The following ZNF431 variants were observed in gnomAD, a reference collection of about 807,000 sequenced individuals.
The protein encoded by ZNF431 is zinc finger protein 431.
ZNF431 carries 34 observed loss-of-function variants against 57.0 expected under a neutral mutation model. The ratio of observed to expected loss-of-function variants is 0.60; its 90% CI spans 0.45 to 0.79. The LOEUF is 0.79. Ranked by LOEUF, ZNF431 falls within the 30% of genes least tolerant of loss-of-function variation. The pLI, the probability that ZNF431 is intolerant of heterozygous loss-of-function variation, is 0.00. For missense variants in ZNF431, 607 were observed against 667.1 expected (o/e 0.91, Z 0.99); for synonymous variants, 207 against 220.3 (o/e 0.94, Z 0.54).
At chr19:21,151,355 T>G (rs1970268009) in intron 2 of ZNF431, among the ~76,000 whole-genome samples, 1 of 152,186 alleles carries the variant, frequency 6.6e-6, no homozygotes, top group Non-Finnish European at 1.5e-5. Context: ...ACCACAGTGA[T>G]CAGTGCTCTT....
chr19:21,142,110 C>A lies in ZNF431; in HGVS notation c.-74C>A. On this transcript the variant is annotated 5_prime_UTR_variant, in exon 1 of 5. Coordinates refer to ENST00000311048, the MANE Select transcript of ZNF431 (RefSeq NM_133473.4). ...GTGTCCTCTGCTCCTAGAGGCCCAA[C>A]ATCTGTGGCCCTGTGACCTGCAGGT... is the stretch of plus-strand genomic sequence containing the variant. 6.3e-7 allele frequency: 1 copy of A among 1,589,880 alleles called. No homozygotes were observed. The highest frequency in any genetic ancestry group is 8.6e-7 in the Non-Finnish European group (1 of 1,159,518).
At chr19:21,150,231 C>T (rs1970232254) in intron 2 of ZNF431, 2 of 526,670 alleles carry the variant, frequency 3.8e-6, no homozygotes, top group Admixed American at 2.4e-5. Flanking sequence ...TTTCAGCCGC[C>T]TATAGAGGAT....
intron 2 of ZNF431, among the ~76,000 whole-genome samples, chr19:21,144,076 C>T (rs1451396541): frequency 2.0e-5 from 3 of 151,804 alleles, no homozygotes; most frequent in Admixed American, 6.6e-5. Flanking sequence ...ATGAGTCAGA[C>T]ACACATTTGT....
rs905003361 is a variant in ZNF431, at chr19:21,191,481, CAAT to C, written c.*7448_*7450del. On this transcript the variant is annotated 3_prime_UTR_variant, in exon 5 of 5. Coordinates refer to ENST00000311048, the MANE Select transcript of ZNF431 (RefSeq NM_133473.4). ...AAAAAAAAAAATTTGCTGCCCAGAA[CAAT>C]GTTATAGGGCTTTTGCTCTATATTT... 7 of 151,800 alleles carry C rather than the reference CAAT, an allele frequency of 4.6e-5. No homozygotes were observed. The highest frequency in any genetic ancestry group is 2.6e-4 in the Admixed American group (4 of 15,224). 9.4% of individuals were successfully genotyped at this position (151,800 alleles called of 1,614,324 possible). A position where few individuals can be genotyped will look rare whatever the true frequency, so the allele number is the denominator to read the frequency against.
Position 21,183,239 on chromosome 19 carries a change from A to T in ZNF431, c.936A>T (p.Gly312=), listed in dbSNP as rs533916577. 6.2e-7 allele frequency: 1 copy of T among 1,614,070 alleles called. No individual in the cohort carries two copies. Among genetic ancestry groups the T allele is most frequent in the Non-Finnish European group, 8.5e-7 (1 of 1,179,962 alleles). Residue 312 remains glycine, a synonymous_variant, in exon 5 of 5, where the codon GGA becomes GGT. Transcript: ENST00000311048. ...CTACACATAAGATAATTCATACTGG[A>T]GAGAAGCCCTACAAATGTGAAGAAT... The part of the protein sequence containing the change: ...HLTTHKIIHT[G]EKPYKCEECG...
rs751837148 is a variant in ZNF431 at position 21,183,002 on chromosome 19, A to G, written c.699A>G (p.Gln233=). Residue 233 remains glutamine (Q), a synonymous_variant, in exon 5 of 5, where the codon CAA becomes CAG. Coordinates refer to ENST00000311048, the MANE Select transcript of ZNF431 (RefSeq NM_133473.4). ...TTCATATTAGAGAGAATTCTTACCA[A>G]TGTGAAGAATGTGGCAAAGCTTTTA... is the stretch of plus-strand genomic sequence containing the variant. ...KRIHIRENSY[Q]CEECGKAFKW... is the part of the protein sequence containing the mutation. 10 of 1,614,132 alleles carry G rather than the reference A, an allele frequency of 6.2e-6. No homozygotes were observed. In the South Asian group the frequency reaches 9.9e-5, roughly 16 times the overall value.
intron 2 of ZNF431, among the ~76,000 whole-genome samples, chr19:21,158,191 G>A (rs1300444607): frequency 1.3e-5 from 2 of 151,816 alleles, no homozygotes; most frequent in Non-Finnish European, 2.9e-5. Context: ...ATTTGTTTGT[G>A]TCATCTCTGA....
chr19:21,153,853 A>T (rs1162576504), intron 2 of ZNF431, among the ~76,000 whole-genome samples: 4 of 151,998 alleles, frequency 2.6e-5, no homozygotes, highest in Non-Finnish European at 4.4e-5. Context: ...AGTAGCTGGG[A>T]TTACAGGCGC....
intron 2 of ZNF431, among the ~76,000 whole-genome samples, chr19:21,147,889 C>T (rs1230866382): frequency 2.0e-5 from 3 of 152,122 alleles, no homozygotes; most frequent in Non-Finnish European, 4.4e-5. Flanking sequence ...AACATGATTT[C>T]ACAGTTGACA....
chr19:21,161,694 C>T (rs1008535275), intron 2 of ZNF431, among the ~76,000 whole-genome samples: 4 of 152,184 alleles, frequency 2.6e-5, no homozygotes, highest in East Asian at 1.9e-4. Flanking sequence ...GCTCTTGTTG[C>T]GCAGGCTGGA....
At chr19:21,177,088 A>T (rs1431869009) in intron 4 of ZNF431, among the ~76,000 whole-genome samples, 2 of 152,152 alleles carry the variant, frequency 1.3e-5, no homozygotes, top group Non-Finnish European at 2.9e-5. Flanking sequence ...TGACATTTTC[A>T]TCATGAAATC....
At chr19:21,169,616 G>T (rs1050139106) in intron 4 of ZNF431, among the ~76,000 whole-genome samples, 11 of 152,124 alleles carry the variant, frequency 7.2e-5, no homozygotes, top group African/African-American at 2.7e-4. Context: ...TTGGGTAATT[G>T]TAATTCCCAT....
chr19:21,182,662 A>G lies in ZNF431; in HGVS notation c.359A>G (p.Gln120Arg), dbSNP rs1971237622. Residue 120 changes from glutamine (Q) to arginine (R), a missense_variant, in exon 5 of 5, where the codon CAA becomes CGA. Transcript: ENST00000311048. Reference protein sequence around the residue: ...SYFTKDLWPEQDIKDSFQQVI... With the variant: ...SYFTKDLWPERDIKDSFQQVI... Reference sequence around the variant, plus strand: ...TTTACCAAAGACCTTTGGCCAGAGCAAGACATAAAAGATTCTTTTCAACAA... The same window carrying G: ...TTTACCAAAGACCTTTGGCCAGAGCGAGACATAAAAGATTCTTTTCAACAA... The G allele has an allele frequency of 3.7e-6, 6 of 1,611,714 alleles. No homozygotes were observed. Among genetic ancestry groups the G allele is most frequent in the Non-Finnish European group, 5.1e-6 (6 of 1,179,332 alleles).
chr19:21,183,946 C>T lies in ZNF431; in HGVS notation c.1643C>T (p.Thr548Ile). The change falls in exon 5 of 5, where the codon ACA becomes ATA. Residue 548 changes from threonine to isoleucine, a missense_variant. Transcript: ENST00000311048. ...KPYNCEECDN[T>I]FNQSSNLIKQ... is the part of the protein sequence containing the mutation. ...TACAACTGTGAAGAATGTGACAATA[C>T]ATTTAACCAGTCCTCAAACCTTATT... 1.9e-6 allele frequency: 3 copies of T among 1,609,766 alleles called. 1 individual carries two copies. In the South Asian group the frequency reaches 3.3e-5, roughly 18 times the overall value.
intron 2 of ZNF431, among the ~76,000 whole-genome samples, chr19:21,164,079 C>CAAAAA (rs34934773): frequency 7.2e-6 from 1 of 138,358 alleles, no homozygotes; most frequent in Non-Finnish European, 1.5e-5. Context: ...AACTCCATCT[C>CAAAAA]AAAAAAAAAA....
At chr19:21,179,855 C>T (rs1027907864) in intron 4 of ZNF431, among the ~76,000 whole-genome samples, 12 of 151,942 alleles carry the variant, frequency 7.9e-5, no homozygotes, top group African/African-American at 2.7e-4. Context: ...CCACCACGCC[C>T]GGCTACATTG....
At chr19:21,142,268 C>T (rs1007189914) in intron 1 of ZNF431, 82 bp downstream of exon 1, 1 of 1,587,860 alleles carries the variant, frequency 6.3e-7, no homozygotes, top group East Asian at 2.2e-5. Flanking sequence ...GGGACTCAGG[C>T]CTCCCCGCAG....
chr19:21,164,136 A>G (rs1351611093), intron 2 of ZNF431, among the ~76,000 whole-genome samples: 1 of 151,494 alleles, frequency 6.6e-6, no homozygotes, highest in Admixed American at 6.6e-5. Context: ...CACAGTTTCT[A>G]TTTATTGTTC....
At chr19:21,165,289 G>A (rs1305366229) in intron 2 of ZNF431, among the ~76,000 whole-genome samples, 3 of 152,132 alleles carry the variant, frequency 2.0e-5, no homozygotes, top group Non-Finnish European at 2.9e-5. Flanking sequence ...AGTAAAGATG[G>A]AGAACATATA....
Sources: allele counts gnomAD v4.1 joint callset (sites outside exome capture counted in the v4.1 genomes callset), GRCh38; gene constraint gnomAD v4.1.1; transcripts MANE v1.5; gene names NCBI Gene and HGNC (gene_info 2026-07-23, HGNC 2026-07-21).